Variants in RAB8B observed in about 807,000 individuals in gnomAD.
RAB8B encodes ras-related protein Rab-8B.
A neutral mutation model predicts 32.0 loss-of-function variants in RAB8B; 11 were observed. That is an observed-to-expected ratio of 0.34 (90% CI 0.22 to 0.57). The LOEUF (loss-of-function observed/expected upper bound fraction) is 0.57, where lower values mean the gene tolerates loss of function less well. Ranked by LOEUF, RAB8B falls within the 20% of genes least tolerant of loss-of-function variation. The pLI, the probability that RAB8B is intolerant of heterozygous loss-of-function variation, is 0.86. For synonymous variants in RAB8B, 103 were observed against 89.6 expected (o/e 1.15, Z -0.85); for missense variants, 190 against 258.5 (o/e 0.73, Z 1.82).
intron 1 of RAB8B, among the ~76,000 whole-genome samples, chr15:63,211,992 C>G (rs922713126): frequency 6.6e-6 from 1 of 152,024 alleles, no homozygotes; most frequent in Non-Finnish European, 1.5e-5. Flanking sequence ...CCACCATGCC[C>G]AGCTCATTTT....
At chr15:63,200,603 CAT>C (rs1252060409) in intron 1 of RAB8B, among the ~76,000 whole-genome samples, 1 of 141,550 alleles carries the variant, frequency 7.1e-6, no homozygotes, top group Non-Finnish European at 1.5e-5. Context: ...GCCTAGGCAA[CAT>C]AGTGAGACAC....
At chr15:63,249,840 A>G in intron 3 of RAB8B, 135 bp downstream of exon 3, 1 of 1,027,060 alleles carries the variant, frequency 9.7e-7, no homozygotes, top group African/African-American at 1.6e-5. Context: ...CAAGACATTT[A>G]AAAGGTTTTT....
intron 1 of RAB8B, among the ~76,000 whole-genome samples, chr15:63,226,841 C>CA (rs2037892452): frequency 6.6e-6 from 1 of 152,130 alleles, no homozygotes; most frequent in South Asian, 2.1e-4. Context: ...ACTCCATAGA[C>CA]AGAGCTGCCC....
chr15:63,196,190 A>C (rs930051775), intron 1 of RAB8B, among the ~76,000 whole-genome samples: 1 of 152,228 alleles, frequency 6.6e-6, no homozygotes, highest in African/African-American at 2.4e-5. Flanking sequence ...GAGGGCCATT[A>C]CAATAAGGGC....
At chr15:63,222,054 T>C (rs898070594) in intron 1 of RAB8B, among the ~76,000 whole-genome samples, 2 of 152,212 alleles carry the variant, frequency 1.3e-5, no homozygotes, top group Non-Finnish European at 2.9e-5. Flanking sequence ...AGCTTCAGAC[T>C]GGGTTCAGCT....
intron 1 of RAB8B, among the ~76,000 whole-genome samples, chr15:63,236,386 G>A (rs916466622): frequency 6.6e-6 from 1 of 152,104 alleles, no homozygotes; most frequent in Admixed American, 6.5e-5. Flanking sequence ...CAAAAAATGA[G>A]TGTTGAGGTA....
chr15:63,201,288 G>T (rs952121075), intron 1 of RAB8B, among the ~76,000 whole-genome samples: 1 of 152,214 alleles, frequency 6.6e-6, no homozygotes. Context: ...CAGAGGAGAG[G>T]TCGAGGAAGG....
In RAB8B at chr15:63,201,968, A is replaced by G. The variant is rs139244986; in HGVS notation, c.124+12220A>G. Among the ~76,000 whole-genome samples the G allele has an allele frequency of 5.6e-3, 855 of 151,698 alleles. 7 individuals are homozygous for G. The highest frequency in any genetic ancestry group is 0.018 in the African/African-American group (746 of 41,368). Reference sequence around the variant, plus strand: ...CCCCTTTCAGTGGTCTATAATAACTATTGGCCGGGCGCGGTGGCTCACACC... The same window carrying G: ...CCCCTTTCAGTGGTCTATAATAACTGTTGGCCGGGCGCGGTGGCTCACACC... On this transcript the variant is annotated intron_variant, in intron 1 of 7. Transcript: ENST00000321437.
At chr15:63,239,608 G>C (rs1289703921) in intron 1 of RAB8B, among the ~76,000 whole-genome samples, 1 of 151,886 alleles carries the variant, frequency 6.6e-6, no homozygotes, top group East Asian at 1.9e-4. Context: ...TAGGGGTTTT[G>C]CCATGTTGGC....
At chr15:63,245,157 C>A (rs1282343093) in intron 2 of RAB8B, among the ~76,000 whole-genome samples, 1 of 152,202 alleles carries the variant, frequency 6.6e-6, no homozygotes, top group Non-Finnish European at 1.5e-5. Context: ...AGAGTAGTCA[C>A]GTCGCAGGAA....
chr15:63,212,701 C>T (rs149922292), intron 1 of RAB8B, among the ~76,000 whole-genome samples: 2 of 152,220 alleles, frequency 1.3e-5, no homozygotes, highest in East Asian at 3.9e-4. Flanking sequence ...CTGGACTTCC[C>T]CAAATATTTC....
At chr15:63,218,855 T>C (rs899652044) in intron 1 of RAB8B, among the ~76,000 whole-genome samples, 1 of 151,936 alleles carries the variant, frequency 6.6e-6, no homozygotes, top group African/African-American at 2.4e-5. Flanking sequence ...TATGTTACTT[T>C]ACTCACAAAA....
intron 6 of RAB8B, among the ~76,000 whole-genome samples, chr15:63,261,306 C>G (rs2038201972): frequency 6.6e-6 from 1 of 151,992 alleles, no homozygotes; most frequent in African/African-American, 2.4e-5. Context: ...AAAGGGGAAC[C>G]CTCATATACT....
In RAB8B at chr15:63,264,513, A is replaced by G. The variant is rs1332296923; in HGVS notation, c.*894A>G. The G allele has an allele frequency of 6.6e-6, 1 of 152,208 alleles. No homozygotes were observed. The highest frequency in any genetic ancestry group is 1.5e-5 in the Non-Finnish European group (1 of 68,032). The allele number at this position is 152,208 out of a possible 1,614,324, so 9.4% of individuals were successfully genotyped here. A position where few individuals can be genotyped will look rare whatever the true frequency, so the allele number is the denominator to read the frequency against. On this transcript the variant is annotated 3_prime_UTR_variant, in exon 8 of 8. Transcript: ENST00000321437. ...GCAGCATCTAACTGTGATTCTGTCA[A>G]TAAGGATATGTAATATATTTTTTCT... is the stretch of plus-strand genomic sequence containing the variant.
chr15:63,246,478 A>G (rs1325883456), intron 2 of RAB8B, among the ~76,000 whole-genome samples: 4 of 152,174 alleles, frequency 2.6e-5, no homozygotes, highest in Non-Finnish European at 4.4e-5. Context: ...CCCATTTATT[A>G]TAAAGGATAT....
chr15:63,230,996 T>G (rs1161430311), intron 1 of RAB8B, among the ~76,000 whole-genome samples: 1 of 152,250 alleles, frequency 6.6e-6, no homozygotes. Context: ...CCCTCTCTAC[T>G]AAAATGTTTA....
Position 63,249,664 on chromosome 15 carries a change from A to G in RAB8B, c.205A>G (p.Arg69Gly). 1 of 1,613,992 alleles carries G rather than the reference A, an allele frequency of 6.2e-7. No individual in the cohort carries two copies. Among genetic ancestry groups the G allele is most frequent in the South Asian group, 1.1e-5 (1 of 91,056 alleles). ...TTTTAGGGACACAGCGGGTCAGGAA[A>G]GATTCCGAACAATCACGACAGCGTA... ...LQIWDTAGQERFRTITTAYYR... is the reference protein window; with the variant it reads ...LQIWDTAGQEGFRTITTAYYR... The change falls in exon 3 of 8, where the codon AGA becomes GGA. Residue 69 changes from arginine to glycine, a missense_variant. Around this residue, in one of 2 missense-constraint regions of RAB8B, gnomAD observed 80 missense variants for 142.6 expected, o/e 0.56. Coordinates refer to ENST00000321437, the MANE Select transcript of RAB8B (RefSeq NM_016530.3).
intron 1 of RAB8B, among the ~76,000 whole-genome samples, chr15:63,190,322 G>C (rs564029578): frequency 5.9e-5 from 9 of 152,156 alleles, no homozygotes; most frequent in African/African-American, 2.2e-4. Flanking sequence ...CAGGAGGTCT[G>C]GACTGAGATG....
In RAB8B at chr15:63,266,286, G is replaced by T. The variant is rs2038247417; in HGVS notation, c.*2667G>T. 1 of 152,540 alleles carries T rather than the reference G, an allele frequency of 6.6e-6. No homozygotes were observed. The highest frequency in any genetic ancestry group is 6.5e-5 in the Admixed American group (1 of 15,272). 9.4% of individuals were successfully genotyped at this position (152,540 alleles called of 1,614,324 possible). On this transcript the variant is annotated 3_prime_UTR_variant, in exon 8 of 8. Coordinates refer to ENST00000321437, the MANE Select transcript of RAB8B (RefSeq NM_016530.3). The stretch of plus-strand genomic sequence containing the variant: ...AGACCTTTTCAAATAGAGTCTGAGG[G>T]TATCAGACAGTGAAAATGTGCTGTA...
Sources: allele counts gnomAD v4.1 joint callset (sites outside exome capture counted in the v4.1 genomes callset), GRCh38; gene constraint gnomAD v4.1.1; regional missense constraint gnomAD v4.1.1; transcripts MANE v1.5; gene names NCBI Gene and HGNC (gene_info 2026-07-23, HGNC 2026-07-21).